FDFT1: variants seen among roughly 807,000 people sequenced by gnomAD.
FDFT1 encodes farnesyl-diphosphate farnesyltransferase 1.
FDFT1 carries 68 observed loss-of-function variants against 46.8 expected under a neutral mutation model. The ratio of observed to expected loss-of-function variants is 1.45; its 90% CI spans 1.19 to 1.78. The LOEUF is 1.78. FDFT1 is among the 40% of genes most tolerant of loss of function. The pLI, the probability that FDFT1 is intolerant of heterozygous loss-of-function variation, is 0.00. For synonymous variants in FDFT1, 351 were observed against 185.1 expected (o/e 1.90, Z -7.28); for missense variants, 928 against 524.4 (o/e 1.77, Z -7.52).
At chr8:11,797,535 G>GAAAA (rs1334450774), upstream of FDFT1, among the ~76,000 whole-genome samples, 2 of 6,826 alleles carry the variant, frequency 2.9e-4, no homozygotes, top group Non-Finnish European at 7.9e-3. Context: ...TTAAAGAACA[G>GAAAA]ATAATCACAG....
At chr8:11,797,865 A>C (rs956450518), upstream of FDFT1, 1 of 152,206 alleles carries the variant, frequency 6.6e-6, no homozygotes, top group Non-Finnish European at 1.5e-5. Context: ...TTCGGGGGAC[A>C]ATAAGTGCTG....
intron 4 of FDFT1, among the ~76,000 whole-genome samples, chr8:11,823,916 G>A (rs947058496): frequency 2.0e-5 from 3 of 151,958 alleles, no homozygotes; most frequent in Non-Finnish European, 4.4e-5. Flanking sequence ...GCTAATTTTT[G>A]TAATTTTTTG....
intron 7 of FDFT1, among the ~76,000 whole-genome samples, chr8:11,835,030 A>G (rs891954506): frequency 6.6e-6 from 1 of 152,216 alleles, no homozygotes; most frequent in African/African-American, 2.4e-5. Context: ...AGCCTGAGAC[A>G]TGAGCATCGC....
chr8:11,818,656 C>G (rs1266440323), intron 3 of FDFT1, among the ~76,000 whole-genome samples: 1 of 151,564 alleles, frequency 6.6e-6, no homozygotes, highest in African/African-American at 2.4e-5. Context: ...GGTTTAAAGT[C>G]TGTTTTATTA....
In FDFT1 at chr8:11,838,502, T is replaced by TC. The variant is rs745651943; in HGVS notation, c.1152dup (p.Ile385HisfsTer68). Reference sequence around the variant, plus strand: ...TCAGCTGATTTCCCGAAGCCACTACTCCCCCATCTACCTGTCGTTTGTCAT... The same window carrying TC: ...TCAGCTGATTTCCCGAAGCCACTACTCCCCCCATCTACCTGTCGTTTGTCAT... On this transcript the variant is annotated frameshift_variant, in exon 8 of 8. Coordinates refer to ENST00000220584, the MANE Select transcript of FDFT1 (RefSeq NM_004462.5). LOFTEE classifies it high-confidence loss of function. 2 of 1,607,414 alleles carry TC rather than the reference T, an allele frequency of 1.2e-6. No homozygotes were observed. The highest frequency in any genetic ancestry group is 1.7e-6 in the Non-Finnish European group (2 of 1,175,910).
At chr8:11,809,094 C>A (rs900360057) in intron 2 of FDFT1, 1 of 1,276,484 alleles carries the variant, frequency 7.8e-7, no homozygotes, top group Non-Finnish European at 1.0e-6. Flanking sequence ...GCGGGCCCAG[C>A]CTTTCAGAGA....
chr8:11,831,852 T>G (rs1256857124), intron 7 of FDFT1, 182 bp downstream of exon 7: 1 of 597,730 alleles, frequency 1.7e-6, no homozygotes, highest in East Asian at 2.9e-5. Flanking sequence ...AGCAGATTGC[T>G]CACTGCTGTG....
At chr8:11,806,191 A>C (rs1269779380) in intron 1 of FDFT1, among the ~76,000 whole-genome samples, 1 of 152,080 alleles carries the variant, frequency 6.6e-6, no homozygotes, top group Non-Finnish European at 1.5e-5. Flanking sequence ...CCCTTCCTCT[A>C]AATTCCCTCC....
chr8:11,802,104 G>C, upstream of FDFT1: 1 of 454,950 alleles, frequency 2.2e-6, no homozygotes, highest in South Asian at 1.6e-5. Flanking sequence ...TGGATCTCAA[G>C]TAAACACTAG....
intron 3 of FDFT1, among the ~76,000 whole-genome samples, chr8:11,816,638 TG>T (rs1252434934): frequency 1.3e-5 from 2 of 152,196 alleles, no homozygotes; most frequent in African/African-American, 4.8e-5. Context: ...CTATTGTGAA[TG>T]GGAGTTCACT....
rs551272992 is a variant in FDFT1, at chr8:11,830,953, G to A, written c.879+533G>A. ...CAGCATTTAACTGATTTGGGAACTT[G>A]GTTTGATCTTGTTCTAATGACCAAC... is the stretch of plus-strand genomic sequence containing the variant. On this transcript the variant is annotated intron_variant, in intron 6 of 7. Coordinates refer to ENST00000220584, the MANE Select transcript of FDFT1 (RefSeq NM_004462.5). Among the ~76,000 whole-genome samples, 16 of 152,278 alleles carry A rather than the reference G, an allele frequency of 1.1e-4. 1 individual carries two copies. The South Asian group carries it at 3.3e-3, about 32-fold the overall frequency.
chr8:11,815,351 G>T (rs1006191114), intron 3 of FDFT1, among the ~76,000 whole-genome samples: 2 of 152,130 alleles, frequency 1.3e-5, no homozygotes, highest in African/African-American at 2.4e-5. Flanking sequence ...TGTCTTCATA[G>T]TTGGACGAGT....
intron 1 of FDFT1, chr8:11,803,176 G>C (rs186706679): frequency 5.6e-6 from 8 of 1,418,168 alleles, no homozygotes; most frequent in Admixed American, 2.5e-5. Flanking sequence ...CGTGGTTCCC[G>C]GTGGTTGCGC....
upstream of FDFT1, among the ~76,000 whole-genome samples, chr8:11,800,077 T>A (rs1461207617): frequency 1.3e-5 from 2 of 150,384 alleles, no homozygotes; most frequent in African/African-American, 4.9e-5. Context: ...CTGGCCAACA[T>A]GGTGAAACCC....
At chr8:11,831,805 A>G in intron 7 of FDFT1, 135 bp downstream of exon 7, 2 of 762,542 alleles carry the variant, frequency 2.6e-6, no homozygotes, top group Middle Eastern at 3.8e-4. Flanking sequence ...AGGAATTGAT[A>G]TCCTTTATAA....
intron 1 of FDFT1, chr8:11,808,480 G>T (rs1048210688): frequency 4.5e-6 from 6 of 1,324,424 alleles, no homozygotes; most frequent in Non-Finnish European, 5.8e-6. Flanking sequence ...ATCTGCTTGA[G>T]TCTATGGAGG....
At position 11,839,166 on chromosome 8, in the gene FDFT1, T is replaced by C. The variant is rs1811984129; in HGVS notation, c.*557T>C. On this transcript the variant is annotated 3_prime_UTR_variant, in exon 8 of 8. Coordinates refer to ENST00000220584, the MANE Select transcript of FDFT1 (RefSeq NM_004462.5). ...GCTGGGAATAAAATTCTGGGTATTC[T>C]CGTATTCTCATTTAAAGGAGTTTAG... 6.5e-6 allele frequency: 1 copy of C among 155,012 alleles called. No homozygotes were observed. The highest frequency in any genetic ancestry group is 1.4e-5 in the Non-Finnish European group (1 of 69,580). The allele number at this position is 155,012 out of a possible 1,614,324, so 9.6% of individuals were successfully genotyped here.
At chr8:11,796,619 C>T (rs1585817211) in intron 1 of FDFT1, among the ~76,000 whole-genome samples, 1 of 152,144 alleles carries the variant, frequency 6.6e-6, no homozygotes, top group Non-Finnish European at 1.5e-5. Flanking sequence ...TTGGAGGCTT[C>T]TGGCCTGGGG....
intron 3 of FDFT1, among the ~76,000 whole-genome samples, chr8:11,810,362 T>C (rs1807535075): frequency 6.6e-6 from 1 of 152,184 alleles, no homozygotes; most frequent in Non-Finnish European, 1.5e-5. Flanking sequence ...ATGGGACTGC[T>C]GCTCACGATG....
Sources: allele counts gnomAD v4.1 joint callset (sites outside exome capture counted in the v4.1 genomes callset), GRCh38; gene constraint gnomAD v4.1.1; transcripts MANE v1.5; gene names NCBI Gene and HGNC (gene_info 2026-07-23, HGNC 2026-07-21).